MED13L: variants seen among roughly 807,000 people sequenced by gnomAD.
MED13L encodes the protein mediator complex subunit 13L, also known as mediator of RNA polymerase II transcription subunit 13-like.
A neutral mutation model predicts 220.9 loss-of-function variants in MED13L; 7 were observed. That is an observed-to-expected ratio of 0.03 (90% CI 0.02 to 0.06). The LOEUF is 0.06. Ranked by LOEUF, MED13L falls within the 10% of genes least tolerant of loss-of-function variation. MED13L has a pLI of 1.00. For synonymous variants in MED13L, 1,011 were observed against 1,015.2 expected (o/e 1.00, Z 0.08); for missense variants, 1,965 against 2,760.5 (o/e 0.71, Z 6.46).
intron 7 of MED13L, among the ~76,000 whole-genome samples, chr12:116,016,695 T>TA (rs1879745380): frequency 6.6e-6 from 1 of 152,150 alleles, no homozygotes; most frequent in Admixed American, 6.5e-5. Flanking sequence ...CAGTGGCACT[T>TA]AAATGACTGA....
rs150675346 is a variant in MED13L at position 116,265,994 on chromosome 12, G to T, written c.72+11066C>A. Among the ~76,000 whole-genome samples the T allele has an allele frequency of 8.9e-4, 136 of 152,230 alleles. 1 individual carries two copies. The highest frequency in any genetic ancestry group is 3.1e-3 in the African/African-American group (129 of 41,552). On this transcript the variant is annotated intron_variant, in intron 1 of 30. Transcript: ENST00000281928. ...ATGCGGTCCATGTCACTCTCCCTCTGCAGAAATTAAATAGTGCATGCAGAT... is the reference window on the plus strand; with the variant it reads ...ATGCGGTCCATGTCACTCTCCCTCTTCAGAAATTAAATAGTGCATGCAGAT...
At chr12:116,164,004 T>C (rs1234561893) in intron 2 of MED13L, among the ~76,000 whole-genome samples, 2 of 152,098 alleles carry the variant, frequency 1.3e-5, no homozygotes, top group Admixed American at 6.6e-5. Flanking sequence ...AAAAGGGAAA[T>C]ATTTTAAGTT....
rs755927201 is a variant in MED13L, at chr12:115,987,152, G to C, written c.4071C>G (p.Leu1357=). ...WENIQHVQGP[L]TWQQFHKMAG... ...CCATTTTATGGAACTGCTGCCAAGT[G>C]AGTGGTCCCTGCACATGCTGGATGT... The change falls in exon 18 of 31, where the codon CTC becomes CTG. Residue 1357 remains leucine, a synonymous_variant. Coordinates refer to ENST00000281928, the MANE Select transcript of MED13L (RefSeq NM_015335.5). 1 of 1,614,138 alleles carries C rather than the reference G, an allele frequency of 6.2e-7. No homozygotes were observed. Among genetic ancestry groups the C allele is most frequent in the Non-Finnish European group, 8.5e-7 (1 of 1,180,004 alleles).
At chr12:116,085,615 A>T (rs969726573) in intron 4 of MED13L, among the ~76,000 whole-genome samples, 1 of 152,190 alleles carries the variant, frequency 6.6e-6, no homozygotes, top group Non-Finnish European at 1.5e-5. Context: ...GAGTAGAAAA[A>T]AAGGTAAAAT....
chr12:116,260,290 A>T (rs182064647), intron 1 of MED13L, among the ~76,000 whole-genome samples: 1 of 152,330 alleles, frequency 6.6e-6, no homozygotes, highest in African/African-American at 2.4e-5. Context: ...AAGTGCACTC[A>T]GAACAACTGG....
chr12:116,270,528 C>G (rs1873217049), intron 1 of MED13L, among the ~76,000 whole-genome samples: 1 of 152,070 alleles, frequency 6.6e-6, no homozygotes, highest in Admixed American at 6.5e-5. Context: ...AAAGCAAAGA[C>G]AGAAAACGCT....
At chr12:116,155,463 T>G (rs1239196257) in intron 2 of MED13L, among the ~76,000 whole-genome samples, 1 of 152,124 alleles carries the variant, frequency 6.6e-6, no homozygotes, top group African/African-American at 2.4e-5. Flanking sequence ...TACTTCCAAA[T>G]GCCAAATTTC....
At chr12:116,253,837 G>A (rs1427219944) in intron 1 of MED13L, among the ~76,000 whole-genome samples, 1 of 132,014 alleles carries the variant, frequency 7.6e-6, no homozygotes, top group African/African-American at 3.0e-5. Flanking sequence ...CCTGCTTGCT[G>A]CAACCTTTGC....
At chr12:116,269,466 CAAA>C (rs34100053) in intron 1 of MED13L, among the ~76,000 whole-genome samples, 3 of 69,136 alleles carry the variant, frequency 4.3e-5, no homozygotes, top group African/African-American at 6.2e-5. Flanking sequence ...TTAAACTATG[CAAA>C]AAAAAAAAAA....
chr12:116,074,789 T>C (rs1870650949), intron 4 of MED13L, among the ~76,000 whole-genome samples: 1 of 152,238 alleles, frequency 6.6e-6, no homozygotes, highest in Non-Finnish European at 1.5e-5. Context: ...ACCATGTGAC[T>C]ACCACAAGGG....
At position 116,277,153 on chromosome 12, in the gene MED13L, C is replaced by G; in HGVS notation, c.-22G>C. The G allele has an allele frequency of 1.9e-6, 3 of 1,555,408 alleles. No homozygotes were observed. The highest frequency in any genetic ancestry group is 2.6e-6 in the Non-Finnish European group (3 of 1,150,412). Reference sequence around the variant, plus strand: ...TCATGATCCTCCGCGAGCCCGGCCGCCAGAGCGGGGCATGTCGGAGCGAGG... The same window carrying G: ...TCATGATCCTCCGCGAGCCCGGCCGGCAGAGCGGGGCATGTCGGAGCGAGG... On this transcript the variant is annotated 5_prime_UTR_variant, in exon 1 of 31. Coordinates refer to ENST00000281928, the MANE Select transcript of MED13L (RefSeq NM_015335.5).
intron 2 of MED13L, among the ~76,000 whole-genome samples, chr12:116,228,613 T>C (rs1230031310): frequency 6.6e-6 from 1 of 152,210 alleles, no homozygotes; most frequent in Non-Finnish European, 1.5e-5. Context: ...AATTTTTATT[T>C]CATCTCCTAT....
intron 28 of MED13L, among the ~76,000 whole-genome samples, chr12:115,967,591 A>C (rs1183298486): frequency 6.6e-6 from 1 of 152,234 alleles, no homozygotes; most frequent in African/African-American, 2.4e-5. Flanking sequence ...AATTACAAAA[A>C]CAGGTACTGG....
rs755106696 is a variant in MED13L, at chr12:116,139,175, A to T, written c.311-27663T>A. Among the ~76,000 whole-genome samples, 9 of 152,224 alleles carry T rather than the reference A, an allele frequency of 5.9e-5. 1 individual carries two copies. Among genetic ancestry groups the T allele is most frequent in the Non-Finnish European group, 8.8e-5 (6 of 68,032 alleles). ...TAAGCAAAGACCCCCTGAGTCAAGAACATCACAGAGTATGCGTCTCAAATC... is the reference window on the plus strand; with the variant it reads ...TAAGCAAAGACCCCCTGAGTCAAGATCATCACAGAGTATGCGTCTCAAATC... On this transcript the variant is annotated intron_variant, in intron 2 of 30. Coordinates refer to ENST00000281928, the MANE Select transcript of MED13L (RefSeq NM_015335.5).
At chr12:116,189,371 C>T (rs930941441) in intron 2 of MED13L, among the ~76,000 whole-genome samples, 4 of 151,874 alleles carry the variant, frequency 2.6e-5, no homozygotes, top group South Asian at 2.1e-4. Context: ...TAATACTTTG[C>T]GTTGAGAAAT....
chr12:116,005,224 G>GA (rs776730611), intron 13 of MED13L, among the ~76,000 whole-genome samples: 55 of 152,312 alleles, frequency 3.6e-4, no homozygotes, highest in South Asian at 8.3e-4. Context: ...AGATCTCCCA[G>GA]AAAAAACAGG....
chr12:116,074,098 T>C (rs1870595139), intron 4 of MED13L, among the ~76,000 whole-genome samples: 1 of 152,180 alleles, frequency 6.6e-6, no homozygotes. Context: ...TGTTAAACAT[T>C]AAAACTTGAA....
intron 2 of MED13L, among the ~76,000 whole-genome samples, chr12:116,185,940 C>T (rs989333736): frequency 6.6e-6 from 1 of 152,190 alleles, no homozygotes; most frequent in Non-Finnish European, 1.5e-5. Context: ...ATGATCTGCC[C>T]ACTTCGGCCT....
chr12:115,994,743 G>T (rs1205689188), intron 16 of MED13L, among the ~76,000 whole-genome samples: 1 of 152,196 alleles, frequency 6.6e-6, no homozygotes, highest in African/African-American at 2.4e-5. Flanking sequence ...TATGCGCCAA[G>T]GTGTTCTAGG....
Sources: gnomAD v4.1 joint callset for allele counts (sites outside exome capture counted in the v4.1 genomes callset) on GRCh38, gnomAD v4.1.1 for gene constraint, MANE v1.5 for transcripts, NCBI Gene and HGNC (gene_info 2026-07-23, HGNC 2026-07-21) for gene names.